The following ENTPD7 variants were observed in gnomAD, a reference collection of about 807,000 sequenced individuals.
ENTPD7 encodes the protein ectonucleoside triphosphate diphosphohydrolase 7, also known as NTPDase 7.
Under a neutral mutation model 77.9 loss-of-function variants are expected in ENTPD7, and 53 were observed. The ratio of observed to expected loss-of-function variants is 0.68; its 90% CI spans 0.55 to 0.85. The LOEUF (loss-of-function observed/expected upper bound fraction) is 0.85, where lower values mean the gene tolerates loss of function less well. ENTPD7 is among the 40% of genes least tolerant of loss of function. The pLI is 0.00. For missense variants in ENTPD7, 636 were observed against 743.7 expected (o/e 0.86, Z 1.68); for synonymous variants, 248 against 274.9 (o/e 0.90, Z 0.97).
intron 3 of ENTPD7, among the ~76,000 whole-genome samples, chr10:99,663,653 G>A (rs2035514239): frequency 6.6e-6 from 1 of 151,876 alleles, no homozygotes; most frequent in South Asian, 2.1e-4. Context: ...TAGAAGTGAG[G>A]TCTCGCAGTG....
rs967461948 is a variant in ENTPD7 at position 99,690,627 on chromosome 10, C to G, written c.710-758C>G. Among the ~76,000 whole-genome samples, 3 of 151,524 alleles carry G rather than the reference C, an allele frequency of 2.0e-5. No individual in the cohort carries two copies. In the South Asian group the frequency reaches 6.3e-4, roughly 32 times the overall value. On this transcript the variant is annotated intron_variant, in intron 7 of 12. Coordinates refer to ENST00000370489, the MANE Select transcript of ENTPD7 (RefSeq NM_020354.5). Reference sequence around the variant, plus strand: ...GTGCAATCTCGGCTCACTACAACCTCCGCCTGTCGGGTTCAAGCGATTCTC... The same window carrying G: ...GTGCAATCTCGGCTCACTACAACCTGCGCCTGTCGGGTTCAAGCGATTCTC...
At chr10:99,686,448 C>T (rs1038578373) in intron 6 of ENTPD7, among the ~76,000 whole-genome samples, 6 of 152,048 alleles carry the variant, frequency 3.9e-5, no homozygotes, top group Admixed American at 3.3e-4. Context: ...ATTATATTTC[C>T]ATTTCTTATA....
At chr10:99,661,289 A>C (rs2035483244) in intron 2 of ENTPD7, among the ~76,000 whole-genome samples, 157 bp from the exon 3 acceptor site, 1 of 152,204 alleles carries the variant, frequency 6.6e-6, no homozygotes, top group Admixed American at 6.5e-5. Context: ...TAGAAGCACC[A>C]TGAGCTTCTT....
chr10:99,692,671 G>C (rs186094182), intron 8 of ENTPD7, among the ~76,000 whole-genome samples: 1 of 152,134 alleles, frequency 6.6e-6, no homozygotes, highest in East Asian at 1.9e-4. Flanking sequence ...AGGATTTTCA[G>C]GTGTGCTAGT....
chr10:99,681,564 G>A (rs1195542798), intron 5 of ENTPD7, among the ~76,000 whole-genome samples: 1 of 152,144 alleles, frequency 6.6e-6, no homozygotes, highest in Non-Finnish European at 1.5e-5. Flanking sequence ...TTACAGGCGT[G>A]AGCCACCGTA....
At chr10:99,665,290 G>T (rs1300611461) in intron 3 of ENTPD7, among the ~76,000 whole-genome samples, 1 of 151,462 alleles carries the variant, frequency 6.6e-6, no homozygotes, top group African/African-American at 2.4e-5. Flanking sequence ...ACAGCAGACA[G>T]TAGCAACCAG....
rs536606903 is a variant in ENTPD7 at position 99,705,117 on chromosome 10, T to C, written c.*434T>C. On this transcript the variant is annotated 3_prime_UTR_variant, in exon 13 of 13. Transcript: ENST00000370489. ...AGTGCAGCAGCCCCTTCTTTCTCTG[T>C]AACAGAGATATCATTTATGTGGAGA... 1.6e-5 allele frequency: 3 copies of C among 182,170 alleles called. No individual in the cohort carries two copies. In the South Asian group the frequency reaches 3.6e-4, roughly 22 times the overall value. 11.3% of individuals were successfully genotyped at this position (182,170 alleles called of 1,614,324 possible). A position where few individuals can be genotyped will look rare whatever the true frequency, so the allele number is the denominator to read the frequency against.
At chr10:99,700,237 C>T (rs537841759) in intron 10 of ENTPD7, among the ~76,000 whole-genome samples, 3 of 152,210 alleles carry the variant, frequency 2.0e-5, no homozygotes, top group African/African-American at 7.2e-5. Flanking sequence ...CAGGTAAAAG[C>T]GATTTTTTTC....
chr10:99,670,324 A>G lies in ENTPD7; in HGVS notation c.191+8696A>G, dbSNP rs534050435. On this transcript the variant is annotated intron_variant, in intron 3 of 12. Transcript: ENST00000370489. ...AAATGCTCAGTGGCCACATGTGGAT[A>G]TATGGGACAGTGCAGATAGAGAACA... 8.1e-4 allele frequency among the ~76,000 whole-genome samples: 123 copies of G among 152,346 alleles called. 1 individual carries two copies. Among genetic ancestry groups the G allele is most frequent in the Non-Finnish European group, 1.1e-3 (72 of 68,038 alleles).
intron 10 of ENTPD7, among the ~76,000 whole-genome samples, chr10:99,700,426 G>T (rs1181484665): frequency 1.1e-5 from 1 of 90,984 alleles, no homozygotes; most frequent in Non-Finnish European, 2.5e-5. Context: ...GTGTGTGTGT[G>T]TGTGTGTGTG....
chr10:99,691,323 G>C, intron 7 of ENTPD7, 62 bp from the exon 8 acceptor site: 1 of 1,549,052 alleles, frequency 6.5e-7, no homozygotes, highest in South Asian at 1.2e-5. Flanking sequence ...TGCTGTTTTG[G>C]GGGTTTGACT....
Position 99,710,883 on chromosome 10 carries a change from G to A in ENTPD7, c.*6200G>A. On this transcript the variant is annotated 3_prime_UTR_variant, in exon 13 of 13. Coordinates refer to ENST00000370489, the MANE Select transcript of ENTPD7 (RefSeq NM_020354.5). ...GGTTGACTGATTAAGAAAGCCATGT[G>A]TTTTAATTTCCTTCATGTTTTAAAA... is the stretch of plus-strand genomic sequence containing the variant. The A allele has an allele frequency of 1.0e-6, 1 of 985,252 alleles. No homozygotes were observed. Among genetic ancestry groups the A allele is most frequent in the Middle Eastern group, 5.2e-4 (1 of 1,914 alleles). The allele number at this position is 985,252 out of a possible 1,614,324, so 61.0% of individuals were successfully genotyped here. A position where few individuals can be genotyped will look rare whatever the true frequency, so the allele number is the denominator to read the frequency against.
chr10:99,696,145 G>A (rs1332159595), intron 9 of ENTPD7, 23 bp downstream of exon 9: 1 of 1,611,148 alleles, frequency 6.2e-7, no homozygotes, highest in Admixed American at 1.7e-5. Context: ...TGGGATCTGA[G>A]TTTCTGAAAT....
rs958852222 is a variant in ENTPD7 at position 99,707,567 on chromosome 10, A to G, written c.*2884A>G. 1.3e-5 allele frequency among the ~76,000 whole-genome samples: 2 copies of G among 152,236 alleles called. No homozygotes were observed. The highest frequency in any genetic ancestry group is 4.8e-5 in the African/African-American group (2 of 41,460). ...CCCATGAAGATAATTATGGTGTCAT[A>G]AAATTCACATTCCACTGGTTCCTTT... is the stretch of plus-strand genomic sequence containing the variant. On this transcript the variant is annotated 3_prime_UTR_variant, in exon 13 of 13. Transcript: ENST00000370489.
rs556145921 is a variant in ENTPD7, at chr10:99,707,175, T to G, written c.*2492T>G. ...TATTCTTATTTTGTCTTGGAGTGTT[T>G]AATGTGTTATTTCCTGTTCATTACT... On this transcript the variant is annotated 3_prime_UTR_variant, in exon 13 of 13. Transcript: ENST00000370489. Among the ~76,000 whole-genome samples, 24 of 152,230 alleles carry G rather than the reference T, an allele frequency of 1.6e-4. No homozygotes were observed. The highest frequency in any genetic ancestry group is 2.6e-4 in the Non-Finnish European group (18 of 68,052).
At chr10:99,694,347 A>G (rs369308685) in intron 8 of ENTPD7, among the ~76,000 whole-genome samples, 153 of 152,290 alleles carry the variant, frequency 1.0e-3, no homozygotes, top group African/African-American at 3.2e-3. Context: ...AGGTTCAGCC[A>G]TCTCGTGGTA....
intron 3 of ENTPD7, among the ~76,000 whole-genome samples, chr10:99,667,407 A>G (rs1338160055): frequency 1.3e-5 from 2 of 152,228 alleles, no homozygotes; most frequent in Admixed American, 6.5e-5. Flanking sequence ...AGAGGCAGGC[A>G]TAAAGGAAAA....
At chr10:99,684,420 C>A (rs548883823) in intron 5 of ENTPD7, among the ~76,000 whole-genome samples, 1 of 152,184 alleles carries the variant, frequency 6.6e-6, no homozygotes. Flanking sequence ...ATTGCCAAAA[C>A]CAACGAACCC....
intron 6 of ENTPD7, among the ~76,000 whole-genome samples, chr10:99,688,488 A>G (rs1202349479): frequency 1.3e-5 from 2 of 152,158 alleles, no homozygotes; most frequent in African/African-American, 4.8e-5. Context: ...ATTTCTATTC[A>G]TTGAGGAAAT....
Sources: gnomAD v4.1 joint callset for allele counts (sites outside exome capture counted in the v4.1 genomes callset) on GRCh38, gnomAD v4.1.1 for gene constraint, MANE v1.5 for transcripts, NCBI Gene and HGNC (gene_info 2026-07-23, HGNC 2026-07-21) for gene names.